The following NUP214 variants were observed in gnomAD, a reference collection of about 807,000 sequenced individuals.
The protein encoded by NUP214 is nucleoporin 214.
NUP214 carries 79 observed loss-of-function variants against 196.2 expected under a neutral mutation model. The observed-to-expected ratio is 0.40, with a 90% CI of 0.34 to 0.49. The LOEUF is 0.49. Ranked by LOEUF, NUP214 falls within the 20% of genes least tolerant of loss-of-function variation. NUP214 has a pLI of 0.58. For missense variants in NUP214, 2,468 were observed against 2,539.0 expected (o/e 0.97, Z 0.60); for synonymous variants, 1,020 against 990.5 (o/e 1.03, Z -0.56).
At position 131,129,281 on chromosome 9, in the gene NUP214, T is replaced by G. The variant is rs1482807073; in HGVS notation, c.396T>G (p.Ala132=). 6.2e-7 allele frequency: 1 copy of G among 1,613,904 alleles called. No homozygotes were observed. Among genetic ancestry groups the G allele is most frequent in the East Asian group, 2.2e-5 (1 of 44,902 alleles). The change falls in exon 4 of 36, where the codon GCT becomes GCG. Residue 132 remains alanine, a splice_region_variant and synonymous_variant. Coordinates refer to ENST00000359428, the MANE Select transcript of NUP214 (RefSeq NM_005085.4). Reference sequence around the variant, plus strand: ...CTTTTGCATATTTGTTTTAAAAGGCTAAACAGCAAAAACGCCCATTTGCCT... The same window carrying G: ...CTTTTGCATATTTGTTTTAAAAGGCGAAACAGCAAAAACGCCCATTTGCCT... The part of the protein sequence containing the change: ...FFDVRTFSNE[A]KQQKRPFAYH...
At chr9:131,219,636 CTG>C in intron 31 of NUP214, among the ~76,000 whole-genome samples, 1 of 152,344 alleles carries the variant, frequency 6.6e-6, no homozygotes, top group East Asian at 1.9e-4. Context: ...TTCACCACCA[CTG>C]TGGATTGTTA....
chr9:131,126,556 T>C (rs568016291), intron 1 of NUP214: 1 of 151,992 alleles, frequency 6.6e-6, no homozygotes, highest in Admixed American at 6.5e-5. Flanking sequence ...AGTGATTTTT[T>C]TTTTTTTTTG....
At chr9:131,210,483 C>T (rs1403272595) in intron 30 of NUP214, among the ~76,000 whole-genome samples, 1 of 152,024 alleles carries the variant, frequency 6.6e-6, no homozygotes, top group Non-Finnish European at 1.5e-5. Context: ...CTAAAATTAG[C>T]CGGCATGGTG....
At chr9:131,187,894 T>A (rs1460092606) in intron 25 of NUP214, among the ~76,000 whole-genome samples, 1 of 152,248 alleles carries the variant, frequency 6.6e-6, no homozygotes, top group East Asian at 1.9e-4. Context: ...TTAAACATTC[T>A]GCACCTAGTA....
chr9:131,146,415 T>C lies in NUP214; in HGVS notation c.1945+111T>C. The C allele has an allele frequency of 2.8e-6, 3 of 1,082,124 alleles. No homozygotes were observed. The highest frequency in any genetic ancestry group is 3.0e-5 in the South Asian group (2 of 66,468). The allele number at this position is 1,082,124 out of a possible 1,614,324, so 67.0% of individuals were successfully genotyped here. Reference sequence around the variant, plus strand: ...GTTGGACAAGGTTATTTTTTCTTGCTTCCTGTATCATACATTAATGATTAA... The same window carrying C: ...GTTGGACAAGGTTATTTTTTCTTGCCTCCTGTATCATACATTAATGATTAA... On this transcript the variant is annotated intron_variant, in intron 13 of 35. Coordinates refer to ENST00000359428, the MANE Select transcript of NUP214 (RefSeq NM_005085.4). The surrounding 1 kb of genome is among the most constrained non-coding windows in gnomAD (Gnocchi z 4.6).
intron 33 of NUP214, chr9:131,228,982 A>G (rs1834798652): frequency 6.6e-6 from 1 of 152,222 alleles, no homozygotes; most frequent in Non-Finnish European, 1.5e-5. Flanking sequence ...ACCACACCAC[A>G]ACATCCCAAT....
At chr9:131,128,721 C>T (rs1831440521) in intron 3 of NUP214, 1 of 430,264 alleles carries the variant, frequency 2.3e-6, no homozygotes, top group East Asian at 3.7e-5. Context: ...AGGTGACTTG[C>T]CCAAAGTCAT....
chr9:131,130,161 T>TTTTTTTTTTTTTTTTTTTTTTTTA (rs1554728091), intron 4 of NUP214, among the ~76,000 whole-genome samples: 1 of 136,412 alleles, frequency 7.3e-6, no homozygotes. Flanking sequence ...GTTTTTTTTT[T>TTTTTTTTTTTTTTTTTTTTTTTTA]GAGACAGAGT....
At chr9:131,144,239 T>C (rs371680485) in intron 11 of NUP214, 41 bp from the exon 12 acceptor site, 1 of 1,460,208 alleles carries the variant, frequency 6.8e-7, no homozygotes, top group Non-Finnish European at 9.5e-7. Flanking sequence ...ACCTCCACTG[T>C]TACAGTGTTA....
intron 30 of NUP214, among the ~76,000 whole-genome samples, chr9:131,206,141 C>CTTTTTTTTTT (rs1588166866): frequency 3.8e-4 from 9 of 23,862 alleles, no homozygotes; most frequent in African/African-American, 1.1e-3. Context: ...GAATTTTTTT[C>CTTTTTTTTTT]TTTTTTCTTT....
Position 131,146,251 on chromosome 9 carries a change from C to G in NUP214, c.1892C>G (p.Ser631Ter), listed in dbSNP as rs1374850041. 2 of 1,614,072 alleles carry G rather than the reference C, an allele frequency of 1.2e-6. No homozygotes were observed. The highest frequency in any genetic ancestry group is 1.7e-6 in the Non-Finnish European group (2 of 1,180,032). ...SGPLSHPTPL[S>*]APPSSVPLKS... is the part of the protein sequence containing the mutation. ...CCACTCAGCCACCCCACACCTCTCT[C>G]AGCACCACCTAGTTCCGTGCCATTG... The change falls in exon 13 of 36, where the codon TCA (serine) becomes TGA (stop). Residue 631 changes from serine to a stop codon, truncating the protein, a stop_gained. Transcript: ENST00000359428. LOFTEE classifies it high-confidence loss of function. The surrounding 1 kb of genome is among the most constrained non-coding windows in gnomAD (Gnocchi z 4.6).
rs1833861478 is a variant in NUP214 at position 131,198,659 on chromosome 9, G to A, written c.5165G>A (p.Gly1722Glu). The change falls in exon 29 of 36, where the codon GGA (glycine) becomes GAA (glutamate). Residue 1722 changes from glycine to glutamate, a missense_variant. Physicochemically the swap from Gly to Glu is moderately conservative, Grantham distance 98 (BLOSUM62 -2). Coordinates refer to ENST00000359428, the MANE Select transcript of NUP214 (RefSeq NM_005085.4). Reference sequence around the variant, plus strand: ...GGTACCACAGCCCCAGGGGTCTTTGGACAGACAACCTTCGGGCAGGCCTCA... The same window carrying A: ...GGTACCACAGCCCCAGGGGTCTTTGAACAGACAACCTTCGGGCAGGCCTCA... ...AFGTTAPGVF[G>E]QTTFGQASVF... 6.2e-7 allele frequency: 1 copy of A among 1,614,224 alleles called. No homozygotes were observed. The highest frequency in any genetic ancestry group is 8.5e-7 in the Non-Finnish European group (1 of 1,180,038).
At chr9:131,189,247 C>A in intron 26 of NUP214, 116 bp downstream of exon 26, 5 of 827,994 alleles carry the variant, frequency 6.0e-6, no homozygotes, top group South Asian at 5.6e-5. Context: ...TTGATGAGAT[C>A]GGGAGCATTC....
At chr9:131,140,333 G>A (rs1353160021) in intron 10 of NUP214, among the ~76,000 whole-genome samples, 1 of 152,146 alleles carries the variant, frequency 6.6e-6, no homozygotes, top group Admixed American at 6.5e-5. Flanking sequence ...TCTAGGCAGG[G>A]CCCAGCAGGG....
chr9:131,196,018 CTG>C (rs201639125), intron 28 of NUP214, among the ~76,000 whole-genome samples: 46 of 25,264 alleles, frequency 1.8e-3, no homozygotes, highest in African/African-American at 4.5e-3. Context: ...GAGTGAAACT[CTG>C]TGTGTCCCCC....
chr9:131,229,032 CAAAGGAGGTGTCGATGCCTG>C (rs893770124), intron 33 of NUP214: 3 of 152,252 alleles, frequency 2.0e-5, no homozygotes, highest in Non-Finnish European at 4.4e-5. Context: ...GTCTCTTGTT[CAAAGGAGGTGTCGATGCCTG>C]AAAGGAGTTC....
chr9:131,194,896 C>G (rs143869512), intron 27 of NUP214, among the ~76,000 whole-genome samples: 4 of 152,270 alleles, frequency 2.6e-5, no homozygotes, highest in Non-Finnish European at 5.9e-5. Flanking sequence ...GCCACCATTC[C>G]CACATGCACA....
intron 30 of NUP214, among the ~76,000 whole-genome samples, chr9:131,213,807 A>AG (rs1349839295): frequency 2.0e-5 from 3 of 148,558 alleles, no homozygotes; most frequent in Non-Finnish European, 3.0e-5. Context: ...TAAAGGGGGA[A>AG]AAAAAAGAGA....
In NUP214 at chr9:131,232,344, A is replaced by G; in HGVS notation, c.6239+36A>G. 3.8e-6 allele frequency: 6 copies of G among 1,596,246 alleles called. No individual in the cohort carries two copies. Among genetic ancestry groups the G allele is most frequent in the Non-Finnish European group, 5.2e-6 (6 of 1,163,692 alleles). On this transcript the variant is annotated intron_variant, in intron 35 of 35. Transcript: ENST00000359428. The surrounding 1 kb of genome is among the most constrained non-coding windows in gnomAD (Gnocchi z 5.1). ...CCCTTTTTGAGTCTCACCTTAATTAAAAGCATTAAATAAGGTTGGAAGTGT... is the reference window on the plus strand; with the variant it reads ...CCCTTTTTGAGTCTCACCTTAATTAGAAGCATTAAATAAGGTTGGAAGTGT...
Sources: gnomAD v4.1 joint callset for allele counts (sites outside exome capture counted in the v4.1 genomes callset) on GRCh38, gnomAD v4.1.1 for gene constraint, Gnocchi (gnomAD v3.1) non-coding constraint, MANE v1.5 for transcripts, NCBI Gene and HGNC (gene_info 2026-07-23, HGNC 2026-07-21) for gene names.